The following SCAPER variants were observed in gnomAD, a reference collection of about 807,000 sequenced individuals.
SCAPER encodes S-phase cyclin A associated protein in the ER.
In SCAPER, 98 loss-of-function variants were observed where a neutral mutation model predicts 182.2. The observed-to-expected ratio is 0.54, with a 90% CI of 0.46 to 0.64. The LOEUF is 0.64. SCAPER is among the 30% of genes least tolerant of loss of function. The pLI, the probability that SCAPER is intolerant of heterozygous loss-of-function variation, is 0.00. For missense variants in SCAPER, 1,432 were observed against 1,690.0 expected (o/e 0.85, Z 2.68); for synonymous variants, 605 against 564.6 (o/e 1.07, Z -1.01).
chr15:76,888,840 C>T (rs1167193136), intron 1 of SCAPER, among the ~76,000 whole-genome samples: 5 of 152,164 alleles, frequency 3.3e-5, no homozygotes, highest in Non-Finnish European at 7.3e-5. Flanking sequence ...CACAAACATA[C>T]TCCTCGAGAA....
At chr15:76,439,976 A>G (rs2047449499) in intron 25 of SCAPER, among the ~76,000 whole-genome samples, 1 of 152,246 alleles carries the variant, frequency 6.6e-6, no homozygotes, top group Non-Finnish European at 1.5e-5. Flanking sequence ...TCTTACTCTT[A>G]TAATAGCAGC....
At chr15:76,459,270 C>T (rs567145292) in intron 25 of SCAPER, among the ~76,000 whole-genome samples, 5 of 152,274 alleles carry the variant, frequency 3.3e-5, no homozygotes, top group South Asian at 2.1e-4. Context: ...TTTCACTTGA[C>T]GTAACGACTT....
intron 18 of SCAPER, among the ~76,000 whole-genome samples, chr15:76,704,709 A>T (rs560898092): frequency 6.6e-6 from 1 of 152,204 alleles, no homozygotes; most frequent in Non-Finnish European, 1.5e-5. Context: ...GAAAAAATCA[A>T]ACAACCCCAT....
At chr15:76,747,706 CT>C in intron 15 of SCAPER, among the ~76,000 whole-genome samples, 1 of 152,000 alleles carries the variant, frequency 6.6e-6, no homozygotes, top group African/African-American at 2.4e-5. Flanking sequence ...TGGTACCTCC[CT>C]CCTCTCTTAC....
intron 17 of SCAPER, among the ~76,000 whole-genome samples, chr15:76,723,757 T>C (rs1356434960): frequency 6.6e-6 from 1 of 152,196 alleles, no homozygotes; most frequent in Non-Finnish European, 1.5e-5. Context: ...CCCTGCCTTT[T>C]ATTGTTTTCC....
Position 76,381,358 on chromosome 15 carries a change from T to C in SCAPER, c.3705+20A>G. The C allele has an allele frequency of 1.3e-6, 2 of 1,591,270 alleles. No individual in the cohort carries two copies. Among genetic ancestry groups the C allele is most frequent in the Non-Finnish European group, 1.7e-6 (2 of 1,163,476 alleles). On this transcript the variant is annotated intron_variant, in intron 28 of 31. Transcript: ENST00000563290. ...CTAACTCTTGATTGGTTAACATCGATATAAACCAATACTTGGTACCTGAAA... is the reference window on the plus strand; with the variant it reads ...CTAACTCTTGATTGGTTAACATCGACATAAACCAATACTTGGTACCTGAAA...
intron 24 of SCAPER, among the ~76,000 whole-genome samples, chr15:76,481,955 T>A (rs1220467323): frequency 6.6e-6 from 1 of 152,244 alleles, no homozygotes; most frequent in East Asian, 1.9e-4. Flanking sequence ...TTCTTCAGCA[T>A]TTCCTGAAAA....
intron 20 of SCAPER, among the ~76,000 whole-genome samples, chr15:76,672,668 G>T (rs2057108132): frequency 1.3e-5 from 2 of 152,096 alleles, no homozygotes; most frequent in African/African-American, 4.8e-5. Context: ...AATAAAAAAT[G>T]ATTTCAAAGT....
intron 27 of SCAPER, among the ~76,000 whole-genome samples, chr15:76,393,636 C>A (rs775447875): frequency 4.7e-4 from 71 of 152,196 alleles, no homozygotes; most frequent in Non-Finnish European, 8.7e-4. Flanking sequence ...TTCATCCTCC[C>A]CAGGAAGAGG....
intron 15 of SCAPER, among the ~76,000 whole-genome samples, chr15:76,752,153 G>C (rs781320793): frequency 6.6e-6 from 1 of 151,482 alleles, no homozygotes; most frequent in Non-Finnish European, 1.5e-5. Context: ...CTAATCATTA[G>C]AGAAATGCAA....
At position 76,883,867 on chromosome 15, in the gene SCAPER, A is replaced by T; in HGVS notation, c.-50T>A. ...GATCATTTATCACATAAACCCATGG[A>T]GTATGACTCCTACAATAAAAAATAT... On this transcript the variant is annotated 5_prime_UTR_variant, in exon 2 of 32. Coordinates refer to ENST00000563290, the MANE Select transcript of SCAPER (RefSeq NM_020843.4). The T allele has an allele frequency of 7.3e-7, 1 of 1,366,542 alleles. No homozygotes were observed. Among genetic ancestry groups the T allele is most frequent in the East Asian group, 2.6e-5 (1 of 38,950 alleles). The allele number at this position is 1,366,542 out of a possible 1,614,324, so 84.7% of individuals were successfully genotyped here.
intron 5 of SCAPER, among the ~76,000 whole-genome samples, chr15:76,805,822 C>T (rs566662619): frequency 4.6e-5 from 7 of 152,268 alleles, no homozygotes; most frequent in African/African-American, 1.7e-4. Context: ...CTGCTTCGGC[C>T]TCCCAAAGTG....
At chr15:76,821,124 G>A (rs2067505335) in intron 5 of SCAPER, among the ~76,000 whole-genome samples, 1 of 152,164 alleles carries the variant, frequency 6.6e-6, no homozygotes, top group African/African-American at 2.4e-5. Flanking sequence ...TGCACTCCTA[G>A]TAAATACCCA....
At chr15:76,696,978 T>C (rs1172357811) in intron 20 of SCAPER, among the ~76,000 whole-genome samples, 1 of 152,190 alleles carries the variant, frequency 6.6e-6, no homozygotes, top group Non-Finnish European at 1.5e-5. Context: ...CTACCTACTA[T>C]GTTTAACAGG....
At chr15:76,736,892 TATTTA>T (rs1281547220) in intron 15 of SCAPER, 1 of 159,460 alleles carries the variant, frequency 6.3e-6, no homozygotes, top group African/African-American at 2.4e-5. Context: ...GTATCTCGTT[TATTTA>T]ATTTTTGTCA....
At chr15:76,895,519 A>C (rs2074383322) in intron 1 of SCAPER, among the ~76,000 whole-genome samples, 1 of 152,054 alleles carries the variant, frequency 6.6e-6, no homozygotes, top group Non-Finnish European at 1.5e-5. Context: ...AAAAAAAATA[A>C]TAAAAGTCAA....
chr15:76,484,039 G>C (rs1408322594), intron 24 of SCAPER, among the ~76,000 whole-genome samples: 1 of 152,150 alleles, frequency 6.6e-6, no homozygotes, highest in Non-Finnish European at 1.5e-5. Flanking sequence ...AAGACTGCAC[G>C]AGTATTCACA....
intron 23 of SCAPER, among the ~76,000 whole-genome samples, chr15:76,521,040 C>T (rs2042796976): frequency 6.6e-6 from 1 of 152,040 alleles, no homozygotes; most frequent in Non-Finnish European, 1.5e-5. Context: ...AGAAAAGTTA[C>T]TGAAGCTTTG....
intron 28 of SCAPER, among the ~76,000 whole-genome samples, chr15:76,377,519 T>C (rs904330224): frequency 6.6e-6 from 1 of 152,226 alleles, no homozygotes; most frequent in Non-Finnish European, 1.5e-5. Flanking sequence ...AAGGAAACTA[T>C]ATTTCCTTTT....
Sources: allele counts gnomAD v4.1 joint callset (sites outside exome capture counted in the v4.1 genomes callset), GRCh38; gene constraint gnomAD v4.1.1; transcripts MANE v1.5; gene names NCBI Gene and HGNC (gene_info 2026-07-23, HGNC 2026-07-21).